MYO3A: variants seen among roughly 807,000 people sequenced by gnomAD.
The protein encoded by MYO3A is myosin IIIA.
A neutral mutation model predicts 192.7 loss-of-function variants in MYO3A; 180 were observed. The observed-to-expected ratio is 0.93, with a 90% confidence interval of 0.83 to 1.06. The LOEUF (loss-of-function observed/expected upper bound fraction) is 1.06. Ranked by LOEUF, MYO3A falls within the 50% of genes least tolerant of loss-of-function variation. The pLI is 0.00. For synonymous variants in MYO3A, 628 were observed against 645.3 expected (o/e 0.97, Z 0.41); for missense variants, 1,896 against 1,905.0 (o/e 1.00, Z 0.09).
chr10:26,158,256 T>G (rs1841265973), intron 26 of MYO3A, among the ~76,000 whole-genome samples: 1 of 136,622 alleles, frequency 7.3e-6, no homozygotes, highest in Admixed American at 7.3e-5. Flanking sequence ...TTTATTTTAT[T>G]TTTTTTTTTT....
At chr10:26,105,593 CATT>C (rs1443692300) in intron 17 of MYO3A, among the ~76,000 whole-genome samples, 1 of 151,972 alleles carries the variant, frequency 6.6e-6, no homozygotes. Context: ...ATATTATAGA[CATT>C]ATATGTTTCT....
chr10:26,007,447 T>C (rs1841300347), intron 6 of MYO3A, among the ~76,000 whole-genome samples: 1 of 150,704 alleles, frequency 6.6e-6, no homozygotes. Context: ...AAATTGTCCC[T>C]GTTTGCAGAT....
chr10:26,183,027 T>C (rs1345851726), intron 31 of MYO3A, among the ~76,000 whole-genome samples: 1 of 152,158 alleles, frequency 6.6e-6, no homozygotes, highest in Non-Finnish European at 1.5e-5. Flanking sequence ...CTGTAATCCA[T>C]GCGAGATGAC....
chr10:25,998,799 T>C (rs979997221), intron 6 of MYO3A, among the ~76,000 whole-genome samples: 17 of 152,170 alleles, frequency 1.1e-4, no homozygotes, highest in Admixed American at 9.2e-4. Flanking sequence ...AACCAGAAGC[T>C]TTGAGAAATG....
At chr10:26,064,342 A>C (rs1280033139) in intron 10 of MYO3A, among the ~76,000 whole-genome samples, 1 of 152,228 alleles carries the variant, frequency 6.6e-6, no homozygotes, top group African/African-American at 2.4e-5. Flanking sequence ...TAATGTGTTC[A>C]AGAAACAGCA....
Position 26,174,031 on chromosome 10 carries a change from C to G in MYO3A, c.3767C>G (p.Ala1256Gly). ...EERNCEESKA[A>G]YLERKAISER... Reference sequence around the variant, plus strand: ...AGGAATTGTGAAGAGTCAAAAGCAGCATATCTAGAAAGGAAGGCCATATCA... The same window carrying G: ...AGGAATTGTGAAGAGTCAAAAGCAGGATATCTAGAAAGGAAGGCCATATCA... The change falls in exon 30 of 35, where the codon GCA becomes GGA. Residue 1256 changes from alanine to glycine, a missense_variant. Physicochemically the swap from Ala to Gly is moderately conservative, Grantham distance 60. Transcript: ENST00000642920. The G allele has an allele frequency of 6.2e-7, 1 of 1,613,122 alleles. No individual in the cohort carries two copies. Among genetic ancestry groups the G allele is most frequent in the Non-Finnish European group, 8.5e-7 (1 of 1,179,848 alleles).
At position 26,120,685 on chromosome 10, in the gene MYO3A, A is replaced by G. The variant is rs1838808386; in HGVS notation, c.1786A>G (p.Ser596Gly). The G allele has an allele frequency of 6.2e-7, 1 of 1,614,062 alleles. No individual in the cohort carries two copies. Among genetic ancestry groups the G allele is most frequent in the Non-Finnish European group, 8.5e-7 (1 of 1,179,978 alleles). ...CTGTGGTGTGTTTCAGCAACTTGGT[A>G]GTATATACAGCATACTCGCTGCAAT... The part of the protein sequence containing the change: ...VIGFTMEQLG[S>G]IYSILAAILN... Residue 596 changes from serine to glycine, a missense_variant, in exon 18 of 35, where the codon AGT (serine) becomes GGT (glycine). By Grantham distance (56) the Ser-to-Gly change is moderately conservative. Coordinates refer to ENST00000642920, the MANE Select transcript of MYO3A (RefSeq NM_017433.5).
intron 10 of MYO3A, among the ~76,000 whole-genome samples, chr10:26,051,105 G>A (rs985703588): frequency 3.9e-5 from 6 of 152,134 alleles, no homozygotes; most frequent in Non-Finnish European, 7.4e-5. Context: ...CACAGAGGCA[G>A]CCAGCATACC....
chr10:26,079,552 C>G (rs552251172), intron 14 of MYO3A, among the ~76,000 whole-genome samples: 1 of 151,790 alleles, frequency 6.6e-6, no homozygotes, highest in Non-Finnish European at 1.5e-5. Context: ...GTTTGTTGCT[C>G]GTGTACTTTT....
chr10:26,185,381 C>T (rs1334741097), intron 31 of MYO3A, among the ~76,000 whole-genome samples: 2 of 132,154 alleles, frequency 1.5e-5, no homozygotes, highest in East Asian at 2.1e-4. Flanking sequence ...GCTCTGGTAC[C>T]CAGATGGGAG....
rs190947272 is a variant in MYO3A, at chr10:26,002,394, C to T, written c.508+5136C>T. Among the ~76,000 whole-genome samples, 449 of 152,328 alleles carry T rather than the reference C, an allele frequency of 2.9e-3. 3 individuals carry two copies. Among genetic ancestry groups the T allele is most frequent in the African/African-American group, 0.01 (434 of 41,580 alleles). On this transcript the variant is annotated intron_variant, in intron 6 of 34. Transcript: ENST00000642920. ...TAGAGATGGAGCAATGGTGAGCGCA[C>T]ACCTGCACAAGGGAGGGGAAGGGGT...
intron 31 of MYO3A, among the ~76,000 whole-genome samples, chr10:26,188,820 G>C (rs1414892765): frequency 6.6e-6 from 1 of 152,118 alleles, no homozygotes; most frequent in Non-Finnish European, 1.5e-5. Flanking sequence ...TTATTTCTGA[G>C]GGCTCTGTTC....
At chr10:26,045,909 CAG>C (rs1359220638) in intron 10 of MYO3A, among the ~76,000 whole-genome samples, 1 of 152,150 alleles carries the variant, frequency 6.6e-6, no homozygotes, top group Non-Finnish European at 1.5e-5. Context: ...CCCAAGAGGA[CAG>C]GGTATGGAGA....
At chr10:25,942,876 A>G (rs976934743) in intron 2 of MYO3A, among the ~76,000 whole-genome samples, 1 of 150,294 alleles carries the variant, frequency 6.7e-6, no homozygotes, top group Non-Finnish European at 1.5e-5. Flanking sequence ...GTTTTTTCTC[A>G]TTGTGAAGAT....
intron 14 of MYO3A, among the ~76,000 whole-genome samples, chr10:26,085,939 G>A (rs961437574): frequency 1.3e-5 from 2 of 152,038 alleles, no homozygotes; most frequent in Non-Finnish European, 1.5e-5. Context: ...CTGGGTTTCC[G>A]TGCTCTACAG....
chr10:26,015,076 A>G (rs541044121), intron 6 of MYO3A, among the ~76,000 whole-genome samples: 207 of 152,344 alleles, frequency 1.4e-3, no homozygotes, highest in African/African-American at 4.7e-3. Flanking sequence ...CAGAACTAAA[A>G]TAGCCTGAAA....
chr10:26,001,822 A>T (rs1288918330), intron 6 of MYO3A, among the ~76,000 whole-genome samples: 1 of 152,158 alleles, frequency 6.6e-6, no homozygotes, highest in Non-Finnish European at 1.5e-5. Flanking sequence ...TCTCTACAAA[A>T]ACTTATTTTA....
At chr10:25,934,357 G>C (rs1389309936) in intron 1 of MYO3A, 29 bp downstream of exon 1, 1 of 152,296 alleles carries the variant, frequency 6.6e-6, no homozygotes, top group East Asian at 1.9e-4. Context: ...CAGGGGACTG[G>C]CTTGGGGCGG....
At chr10:26,123,754 G>T (rs751906596) in intron 18 of MYO3A, among the ~76,000 whole-genome samples, 6 of 151,996 alleles carry the variant, frequency 3.9e-5, no homozygotes, top group African/African-American at 1.5e-4. Context: ...GTGAAACCCC[G>T]TCTCTACTGA....
Sources: allele counts gnomAD v4.1 joint callset (sites outside exome capture counted in the v4.1 genomes callset), GRCh38; gene constraint gnomAD v4.1.1; transcripts MANE v1.5; gene names NCBI Gene and HGNC (gene_info 2026-07-23, HGNC 2026-07-21).